The following ANKRD52 variants were observed in gnomAD, a reference collection of about 807,000 sequenced individuals.
The protein encoded by ANKRD52 is serine/threonine-protein phosphatase 6 regulatory ankyrin repeat subunit C.
In ANKRD52, 7 loss-of-function variants were observed where a neutral mutation model predicts 116.0. The ratio of observed to expected loss-of-function variants is 0.06; its 90% CI spans 0.03 to 0.11. The LOEUF (loss-of-function observed/expected upper bound fraction) is 0.11, where lower values mean the gene tolerates loss of function less well. ANKRD52 is among the 10% of genes least tolerant of loss of function. The pLI is 1.00. For missense variants in ANKRD52, 839 were observed against 1,408.6 expected (o/e 0.60, Z 6.47); for synonymous variants, 528 against 578.1 (o/e 0.91, Z 1.24).
Position 56,247,624 on chromosome 12 carries a change from G to A in ANKRD52, c.2067-14C>T, listed in dbSNP as rs1175035867. On this transcript the variant is annotated splice_polypyrimidine_tract_variant and intron_variant, in intron 19 of 27. Coordinates refer to ENST00000267116, the MANE Select transcript of ANKRD52 (RefSeq NM_173595.4). Reference sequence around the variant, plus strand: ...ATCAGTGGGGTCCTACAGAAGGGCAGGAGGAGGAGTGAGGATCCCGCAAGG... The same window carrying A: ...ATCAGTGGGGTCCTACAGAAGGGCAAGAGGAGGAGTGAGGATCCCGCAAGG... 6.3e-7 allele frequency: 1 copy of A among 1,590,070 alleles called. No individual in the cohort carries two copies. Among genetic ancestry groups the A allele is most frequent in the Non-Finnish European group, 8.6e-7 (1 of 1,167,376 alleles).
Position 56,244,517 on chromosome 12 carries a change from G to T in ANKRD52, c.2723-82C>A. On this transcript the variant is annotated intron_variant, in intron 24 of 27. Transcript: ENST00000267116. The surrounding 1 kb of genome is among the most constrained non-coding windows in gnomAD (Gnocchi z 4.9). The stretch of plus-strand genomic sequence containing the variant: ...TGGCTCTCCACTTTGCATCCCGTCT[G>T]CAGATGGCGAGACATCCAAAGACAA... The T allele has an allele frequency of 1.9e-6, 3 of 1,592,828 alleles. No homozygotes were observed. The highest frequency in any genetic ancestry group is 2.6e-6 in the Non-Finnish European group (3 of 1,164,956).
intron 20 of ANKRD52, among the ~76,000 whole-genome samples, chr12:56,246,559 T>C (rs1871408275): frequency 1.3e-5 from 2 of 152,120 alleles, no homozygotes; most frequent in South Asian, 4.2e-4. Context: ...CATTATGCGA[T>C]GGGTTGGGGC....
Position 56,243,469 on chromosome 12 carries a change from C to A in ANKRD52, c.2981-77G>T. 6.6e-7 allele frequency: 1 copy of A among 1,520,554 alleles called. No homozygotes were observed. The highest frequency in any genetic ancestry group is 2.4e-5 in the East Asian group (1 of 41,506). The allele number at this position is 1,520,554 out of a possible 1,614,324, so 94.2% of individuals were successfully genotyped here. On this transcript the variant is annotated intron_variant, in intron 27 of 27. Coordinates refer to ENST00000267116, the MANE Select transcript of ANKRD52 (RefSeq NM_173595.4). The surrounding 1 kb of genome is among the most constrained non-coding windows in gnomAD (Gnocchi z 4.6). ...CCTCCCCCAAGCCCTGAAGTCTCTT[C>A]TCTGTGGAGGGAGCCAAGGCAGGCA...
chr12:56,245,876 G>A (rs1297309324), intron 20 of ANKRD52, among the ~76,000 whole-genome samples: 2 of 141,758 alleles, frequency 1.4e-5, no homozygotes, highest in African/African-American at 5.3e-5. Flanking sequence ...CACCATGCCC[G>A]GCCAATTTTT....
Position 56,240,624 on chromosome 12 carries a change from G to A in ANKRD52, c.*2518C>T, listed in dbSNP as rs1425476867. The A allele has an allele frequency of 6.6e-6, 1 of 152,162 alleles. No individual in the cohort carries two copies. The highest frequency in any genetic ancestry group is 1.5e-5 in the Non-Finnish European group (1 of 68,022). 9.4% of individuals were successfully genotyped at this position (152,162 alleles called of 1,614,324 possible). ...ATCTTAACATTAAAATAAATATGCA[G>A]TGGCCATGAGAATGGTCAAAATGCT... is the stretch of plus-strand genomic sequence containing the variant. On this transcript the variant is annotated 3_prime_UTR_variant, in exon 28 of 28. Transcript: ENST00000267116. This position sits in a 1 kb window ranked among gnomAD's most constrained non-coding sequence, Gnocchi z 4.2.
At position 56,237,950 on chromosome 12, in the gene ANKRD52, A is replaced by T; in HGVS notation, c.*5192T>A. 3.0e-5 allele frequency: 9 copies of T among 296,352 alleles called. No individual in the cohort carries two copies. The highest frequency in any genetic ancestry group is 5.6e-5 in the Non-Finnish European group (9 of 161,692). 18.4% of individuals were successfully genotyped at this position (296,352 alleles called of 1,614,324 possible). Reference sequence around the variant, plus strand: ...GGGGAGGATGTGAGTAGGGGCCTGGAGGGTGCAGGGTCATTAATCTGCGGG... The same window carrying T: ...GGGGAGGATGTGAGTAGGGGCCTGGTGGGTGCAGGGTCATTAATCTGCGGG... On this transcript the variant is annotated 3_prime_UTR_variant, in exon 28 of 28. Transcript: ENST00000267116.
At chr12:56,250,151 C>T (rs187658428) in intron 15 of ANKRD52, among the ~76,000 whole-genome samples, 384 of 152,098 alleles carry the variant, frequency 2.5e-3, no homozygotes, top group Non-Finnish European at 4.0e-3. Flanking sequence ...GAGCTGAGAT[C>T]GCGCAACTGC....
chr12:56,252,764 GAGAA>G lies in ANKRD52; in HGVS notation c.1301+12_1301+15del. 6.2e-7 allele frequency: 1 copy of G among 1,611,338 alleles called. No homozygotes were observed. Among genetic ancestry groups the G allele is most frequent in the Non-Finnish European group, 8.5e-7 (1 of 1,178,260 alleles). The stretch of plus-strand genomic sequence containing the variant: ...AGCTCCCTGCTCAAAGCATGGGAGA[GAGAA>G]AGAGAACTCACCCTCCGGAAGCAGC... On this transcript the variant is annotated intron_variant, in intron 12 of 27. Coordinates refer to ENST00000267116, the MANE Select transcript of ANKRD52 (RefSeq NM_173595.4). The surrounding 1 kb of genome is among the most constrained non-coding windows in gnomAD (Gnocchi z 4.7).
chr12:56,255,116 G>A lies in ANKRD52; in HGVS notation c.463-164C>T. On this transcript the variant is annotated intron_variant, in intron 5 of 27. Transcript: ENST00000267116. This position sits in a 1 kb window ranked among gnomAD's most constrained non-coding sequence, Gnocchi z 4.3. ...AGGGAACAGCAGAAGCAGGCACTAA[G>A]GAGGAGATACTGGAGAGATTTGGAA... is the stretch of plus-strand genomic sequence containing the variant. The A allele has an allele frequency of 1.7e-6, 1 of 596,748 alleles. No individual in the cohort carries two copies. The highest frequency in any genetic ancestry group is 3.0e-6 in the Non-Finnish European group (1 of 338,284). 37.0% of individuals were successfully genotyped at this position (596,748 alleles called of 1,614,324 possible).
rs755964525 is a variant in ANKRD52 at position 56,254,133 on chromosome 12, T to C, written c.840A>G (p.Ala280=). Residue 280 remains alanine (A), a synonymous_variant, in exon 8 of 28, where the codon GCA becomes GCG. Transcript: ENST00000267116. This position sits in a 1 kb window ranked among gnomAD's most constrained non-coding sequence, Gnocchi z 4.6. Reference sequence around the variant, plus strand: ...AGCAGAGAGCGCCATTGGTGGAGACTGCAGCCACATGCAGTGGCGTGAAGC... The same window carrying C: ...AGCAGAGAGCGCCATTGGTGGAGACCGCAGCCACATGCAGTGGCGTGAAGC... ...DKGFTPLHVA[A]VSTNGALCLE... 2.0e-5 allele frequency: 32 copies of C among 1,613,586 alleles called. 1 individual carries two copies. Among genetic ancestry groups the C allele is most frequent in the East Asian group, 1.1e-4 (5 of 44,862 alleles).
intron 15 of ANKRD52, among the ~76,000 whole-genome samples, chr12:56,250,920 A>G (rs771616360): frequency 1.3e-5 from 2 of 151,882 alleles, no homozygotes; most frequent in Non-Finnish European, 2.9e-5. Flanking sequence ...CATCCTTTTT[A>G]AATTTTTATT....
At chr12:56,247,816 A>G in intron 18 of ANKRD52, 42 bp from the exon 19 acceptor site, 1 of 1,584,004 alleles carries the variant, frequency 6.3e-7, no homozygotes, top group East Asian at 2.3e-5. Context: ...GCCAGGAGGA[A>G]GAAGGGAGGC....
chr12:56,252,041 C>T lies in ANKRD52; in HGVS notation c.1566G>A (p.Lys522=). Residue 522 remains lysine (K), a synonymous_variant, in exon 15 of 28, where the codon AAG becomes AAA. Coordinates refer to ENST00000267116, the MANE Select transcript of ANKRD52 (RefSeq NM_173595.4). This position sits in a 1 kb window ranked among gnomAD's most constrained non-coding sequence, Gnocchi z 4.7. ...AGAAGGCCTCCTTCCTGCGGGACTCCTTCAGTGGCTCGTCCTCTTCGGCAT... is the reference window on the plus strand; with the variant it reads ...AGAAGGCCTCCTTCCTGCGGGACTCTTTCAGTGGCTCGTCCTCTTCGGCAT... ...SHDAEEDEPL[K]ESRRKEAFFC... The T allele has an allele frequency of 6.2e-7, 1 of 1,613,888 alleles. No homozygotes were observed. The highest frequency in any genetic ancestry group is 8.5e-7 in the Non-Finnish European group (1 of 1,179,864).
chr12:56,247,937 A>AC, intron 18 of ANKRD52, 86 bp downstream of exon 18: 4 of 1,416,066 alleles, frequency 2.8e-6, no homozygotes, highest in Non-Finnish European at 3.8e-6. Flanking sequence ...CATTCTCCTC[A>AC]CCCTACTCCA....
rs1003332383 is a variant in ANKRD52, at chr12:56,258,005, G to T, written c.28-94C>A. ...GGGGAGCACCTAGGTTTGAGTGGGGGGCGTCCGTGGAGGGGCTCCACTCTA... is the reference window on the plus strand; with the variant it reads ...GGGGAGCACCTAGGTTTGAGTGGGGTGCGTCCGTGGAGGGGCTCCACTCTA... On this transcript the variant is annotated intron_variant, in intron 1 of 27. Transcript: ENST00000267116. 4 of 1,346,142 alleles carry T rather than the reference G, an allele frequency of 3.0e-6. No individual in the cohort carries two copies. In the East Asian group the frequency reaches 9.8e-5, roughly 33 times the overall value. 83.4% of individuals were successfully genotyped at this position (1,346,142 alleles called of 1,614,324 possible).
In ANKRD52 at chr12:56,255,408, T is replaced by A. The variant is rs1420625910; in HGVS notation, c.462+376A>T. On this transcript the variant is annotated intron_variant, in intron 5 of 27. Coordinates refer to ENST00000267116, the MANE Select transcript of ANKRD52 (RefSeq NM_173595.4). This position sits in a 1 kb window ranked among gnomAD's most constrained non-coding sequence, Gnocchi z 4.3. ...GGTTTCACCATGTTAGCCAGGATGA[T>A]CTCGATCTCCTGATCTCATGATCCA... Among the ~76,000 whole-genome samples the A allele has an allele frequency of 6.6e-6, 1 of 152,214 alleles. No individual in the cohort carries two copies. Among genetic ancestry groups the A allele is most frequent in the Non-Finnish European group, 1.5e-5 (1 of 68,036 alleles).
chr12:56,245,766 G>A (rs927098087), intron 20 of ANKRD52, among the ~76,000 whole-genome samples, 170 bp from the exon 21 acceptor site: 6 of 148,144 alleles, frequency 4.1e-5, no homozygotes, highest in Non-Finnish European at 5.9e-5. Context: ...CCAGGCTGGA[G>A]TGCAGTGGCA....
At chr12:56,247,064 C>T (rs543728770) in intron 20 of ANKRD52, among the ~76,000 whole-genome samples, 3 of 150,030 alleles carry the variant, frequency 2.0e-5, no homozygotes, top group Non-Finnish European at 3.0e-5. Flanking sequence ...CTGGGCACAG[C>T]GTGGGTCTGG....
chr12:56,246,428 C>T (rs1871403052), intron 20 of ANKRD52, among the ~76,000 whole-genome samples: 1 of 152,136 alleles, frequency 6.6e-6, no homozygotes, highest in African/African-American at 2.4e-5. Context: ...AATACTGGAG[C>T]TCTGGAGTTA....
Sources: allele counts gnomAD v4.1 joint callset (sites outside exome capture counted in the v4.1 genomes callset), GRCh38; gene constraint gnomAD v4.1.1; non-coding constraint Gnocchi (gnomAD v3.1); transcripts MANE v1.5; gene names NCBI Gene and HGNC (gene_info 2026-07-23, HGNC 2026-07-21).